The following PRKN variants were observed in gnomAD, a reference collection of about 807,000 sequenced individuals.
The protein encoded by PRKN is E3 ubiquitin-protein ligase parkin.
A neutral mutation model predicts 59.5 loss-of-function variants in PRKN; 56 were observed. The observed-to-expected ratio is 0.94, with a 90% CI of 0.76 to 1.18. PRKN has a LOEUF of 1.18. Ranked by LOEUF, PRKN falls within the 50% of genes most tolerant of loss-of-function variation. PRKN has a pLI of 0.00. For missense variants in PRKN, 657 were observed against 596.4 expected (o/e 1.10, Z -1.06); for synonymous variants, 250 against 222.1 (o/e 1.13, Z -1.12).
intron 2 of PRKN, among the ~76,000 whole-genome samples, chr6:162,389,755 A>G (rs1176079931): frequency 6.6e-6 from 1 of 152,240 alleles, no homozygotes; most frequent in Non-Finnish European, 1.5e-5. Flanking sequence ...TAAGTGGTAA[A>G]GCTGGAATTC....
intron 4 of PRKN, among the ~76,000 whole-genome samples, chr6:162,065,078 T>G (rs961858932): frequency 1.3e-5 from 2 of 152,186 alleles, no homozygotes; most frequent in Non-Finnish European, 2.9e-5. Flanking sequence ...TATGTGTATA[T>G]GAAAGGGAGT....
rs1212984122 is a variant in PRKN, at chr6:161,475,649, A to AT, written c.1083+73204dup. On this transcript the variant is annotated intron_variant, in intron 9 of 11. Coordinates refer to ENST00000366898, the MANE Select transcript of PRKN (RefSeq NM_004562.3). This position sits in a 1 kb window ranked among gnomAD's most constrained non-coding sequence, Gnocchi z 5.3. ...TTTTGGGTAGCTGAGGCATTTTTGTATTTTTTGTAGAGACAGGGTTTTGCC... is the reference window on the plus strand; with the variant it reads ...TTTTGGGTAGCTGAGGCATTTTTGTATTTTTTTGTAGAGACAGGGTTTTGCC... 1.3e-5 allele frequency among the ~76,000 whole-genome samples: 2 copies of AT among 151,678 alleles called. No individual in the cohort carries two copies. Among genetic ancestry groups the AT allele is most frequent in the Non-Finnish European group, 2.9e-5 (2 of 67,936 alleles).
At chr6:161,858,857 A>ATTTTTTT (rs1491531194) in intron 6 of PRKN, among the ~76,000 whole-genome samples, 1 of 55,962 alleles carries the variant, frequency 1.8e-5, no homozygotes, top group African/African-American at 5.8e-5. Context: ...GCACAGCTGT[A>ATTTTTTT]CTTTTTTTTT....
intron 1 of PRKN, among the ~76,000 whole-genome samples, chr6:162,723,971 C>T (rs1208195233): frequency 2.6e-5 from 4 of 152,124 alleles, no homozygotes; most frequent in East Asian, 3.9e-4. Flanking sequence ...CAAAAATCTT[C>T]TTAAAAGTCT....
chr6:161,493,834 G>T (rs1402473352), intron 9 of PRKN, among the ~76,000 whole-genome samples: 1 of 152,176 alleles, frequency 6.6e-6, no homozygotes, highest in Non-Finnish European at 1.5e-5. Context: ...AGTTAGAAGT[G>T]AACAGTGAAG....
intron 1 of PRKN, among the ~76,000 whole-genome samples, chr6:162,676,034 A>C (rs1039180995): frequency 2.0e-5 from 3 of 152,230 alleles, no homozygotes; most frequent in African/African-American, 7.2e-5. Flanking sequence ...TAGAGAAGCA[A>C]CATGATGAGA....
chr6:162,172,023 G>C (rs1279762732), intron 4 of PRKN, among the ~76,000 whole-genome samples: 4 of 152,156 alleles, frequency 2.6e-5, no homozygotes, highest in Non-Finnish European at 5.9e-5. Context: ...AACTCCAAGA[G>C]GCCTGCCTCA....
At chr6:162,198,155 G>A (rs560537388) in intron 4 of PRKN, among the ~76,000 whole-genome samples, 4 of 152,142 alleles carry the variant, frequency 2.6e-5, no homozygotes, top group Non-Finnish European at 5.9e-5. Context: ...ACAGTGCTTG[G>A]GGAAGAAACA....
chr6:162,616,168 A>G (rs971118236), intron 1 of PRKN, among the ~76,000 whole-genome samples: 4 of 152,078 alleles, frequency 2.6e-5, no homozygotes, highest in African/African-American at 9.7e-5. Flanking sequence ...AGGCCCATTT[A>G]CCCATATCCT....
chr6:162,487,675 A>AT (rs574497613), intron 1 of PRKN, among the ~76,000 whole-genome samples: 9 of 150,724 alleles, frequency 6.0e-5, no homozygotes, highest in African/African-American at 9.7e-5. Flanking sequence ...ATGGACCAGA[A>AT]TTTTTTTTTT....
intron 7 of PRKN, among the ~76,000 whole-genome samples, chr6:161,775,111 A>G (rs775094270): frequency 6.6e-6 from 1 of 152,204 alleles, no homozygotes; most frequent in Non-Finnish European, 1.5e-5. Context: ...TTGCATGTGG[A>G]TAGGCTCTGG....
chr6:161,468,236 G>A lies in PRKN; in HGVS notation c.1083+80618C>T, dbSNP rs1220474918. 6.6e-6 allele frequency among the ~76,000 whole-genome samples: 1 copy of A among 151,992 alleles called. No homozygotes were observed. The highest frequency in any genetic ancestry group is 2.1e-4 in the South Asian group (1 of 4,822). ...GATCCGCCCGCCTCAACCTCCCAAC[G>A]TGCTAGGATTACAGGCATGAGCCGC... On this transcript the variant is annotated intron_variant, in intron 9 of 11. Transcript: ENST00000366898. The surrounding 1 kb of genome is among the most constrained non-coding windows in gnomAD (Gnocchi z 5.9).
chr6:162,693,440 G>C (rs538699895), intron 1 of PRKN, among the ~76,000 whole-genome samples: 13 of 152,178 alleles, frequency 8.5e-5, no homozygotes, highest in Non-Finnish European at 1.8e-4. Context: ...CTCTTCACAT[G>C]GTTTTGGGCT....
chr6:162,562,069 T>C (rs971630442), intron 1 of PRKN, among the ~76,000 whole-genome samples: 2 of 151,042 alleles, frequency 1.3e-5, no homozygotes, highest in African/African-American at 4.9e-5. Context: ...GATGGAGGAG[T>C]AGGGAGGACT....
chr6:162,422,247 C>T (rs984980279), intron 2 of PRKN, among the ~76,000 whole-genome samples: 1 of 152,148 alleles, frequency 6.6e-6, no homozygotes, highest in Admixed American at 6.5e-5. Context: ...AGAAGGGCTA[C>T]TTAATAATAT....
chr6:161,824,757 T>C (rs1233168425), intron 6 of PRKN, among the ~76,000 whole-genome samples: 1 of 152,188 alleles, frequency 6.6e-6, no homozygotes, highest in East Asian at 1.9e-4. Flanking sequence ...CTAAGAGAAA[T>C]AATCATAGGG....
intron 2 of PRKN, among the ~76,000 whole-genome samples, chr6:162,349,000 A>G (rs1297025710): frequency 6.6e-6 from 1 of 152,174 alleles, no homozygotes; most frequent in Non-Finnish European, 1.5e-5. Context: ...AAATTTGACT[A>G]CTTGGATGAA....
rs1198849439 is a variant in PRKN, at chr6:161,396,517, T to C, written c.1084-9640A>G. ...ACTTTCAAACATCGCCATTCATTAG[T>C]GGGCCCATTCAAATATTGCCATTAA... On this transcript the variant is annotated intron_variant, in intron 9 of 11. Transcript: ENST00000366898. The surrounding 1 kb of genome is among the most constrained non-coding windows in gnomAD (Gnocchi z 5.4). Among the ~76,000 whole-genome samples, 1 of 152,196 alleles carries C rather than the reference T, an allele frequency of 6.6e-6. No individual in the cohort carries two copies. The highest frequency in any genetic ancestry group is 2.4e-5 in the African/African-American group (1 of 41,426).
Position 162,686,315 on chromosome 6 carries a change from A to G in PRKN, c.7+41347T>C, listed in dbSNP as rs568721593. On this transcript the variant is annotated intron_variant, in intron 1 of 11. Coordinates refer to ENST00000366898, the MANE Select transcript of PRKN (RefSeq NM_004562.3). ...TTCTGAGAATAATCCAGTGCAGTGG[A>G]AACACTGGACATTTAATAAATGATA... 1.3e-4 allele frequency among the ~76,000 whole-genome samples: 20 copies of G among 152,314 alleles called. No homozygotes were observed. In the South Asian group the frequency reaches 4.1e-3, roughly 32 times the overall value.
Sources: gnomAD v4.1 joint callset for allele counts (sites outside exome capture counted in the v4.1 genomes callset) on GRCh38, gnomAD v4.1.1 for gene constraint, Gnocchi (gnomAD v3.1) non-coding constraint, MANE v1.5 for transcripts, NCBI Gene and HGNC (gene_info 2026-07-23, HGNC 2026-07-21) for gene names.